The following MAGI2 variants were observed in gnomAD, a reference collection of about 807,000 sequenced individuals.
MAGI2 encodes membrane-associated guanylate kinase, WW and PDZ domain-containing protein 2.
Under a neutral mutation model 133.3 loss-of-function variants are expected in MAGI2, and 35 were observed. That is an observed-to-expected ratio of 0.26 (90% CI 0.20 to 0.35). MAGI2 has a LOEUF of 0.35. Ranked by LOEUF, MAGI2 falls within the 10% of genes least tolerant of loss-of-function variation. The pLI, the probability that MAGI2 is intolerant of heterozygous loss-of-function variation, is 1.00. For missense variants in MAGI2, 1,636 were observed against 1,863.4 expected (o/e 0.88, Z 2.25); for synonymous variants, 729 against 710.6 (o/e 1.03, Z -0.41).
intron 6 of MAGI2, among the ~76,000 whole-genome samples, chr7:78,410,739 G>C (rs2151377223): frequency 6.6e-6 from 1 of 151,682 alleles, no homozygotes. Flanking sequence ...TCACTACCTG[G>C]GGGAAAAAAA....
intron 2 of MAGI2, among the ~76,000 whole-genome samples, chr7:78,684,107 T>A (rs1816005312): frequency 6.6e-6 from 1 of 152,140 alleles, no homozygotes; most frequent in Non-Finnish European, 1.5e-5. Flanking sequence ...ATAGTATGTA[T>A]ATAATAAGGA....
chr7:78,052,438 T>C (rs998224571), intron 21 of MAGI2, among the ~76,000 whole-genome samples: 23 of 152,152 alleles, frequency 1.5e-4, no homozygotes, highest in Non-Finnish European at 3.1e-4. Context: ...CCTGAAGCCC[T>C]CACCAGAGGC....
At chr7:79,341,343 G>C (rs1034375937) in intron 1 of MAGI2, among the ~76,000 whole-genome samples, 1 of 152,060 alleles carries the variant, frequency 6.6e-6, no homozygotes, top group African/African-American at 2.4e-5. Flanking sequence ...TTTAATAAAT[G>C]TCAGTTTCCT....
At chr7:78,768,302 C>T (rs1825231936) in intron 2 of MAGI2, among the ~76,000 whole-genome samples, 2 of 152,164 alleles carry the variant, frequency 1.3e-5, no homozygotes, top group Non-Finnish European at 2.9e-5. Context: ...ATCACCTCAC[C>T]TATTGTTTTG....
At chr7:78,459,477 G>A (rs1055033195) in intron 6 of MAGI2, among the ~76,000 whole-genome samples, 1 of 152,126 alleles carries the variant, frequency 6.6e-6, no homozygotes, top group African/African-American at 2.4e-5. Context: ...AACCTCTTAA[G>A]AGCAAAGGTA....
At chr7:78,698,134 A>T (rs1395276980) in intron 2 of MAGI2, among the ~76,000 whole-genome samples, 1 of 152,216 alleles carries the variant, frequency 6.6e-6, no homozygotes, top group African/African-American at 2.4e-5. Context: ...TTTCCACTAC[A>T]GTGAAGTTAC....
intron 2 of MAGI2, among the ~76,000 whole-genome samples, chr7:78,633,622 C>T (rs544745067): frequency 3.4e-5 from 5 of 147,610 alleles, no homozygotes; most frequent in South Asian, 2.1e-4. Context: ...AGGAGAATGG[C>T]GTGAACCCGG....
intron 6 of MAGI2, among the ~76,000 whole-genome samples, chr7:78,389,756 A>T (rs1343596112): frequency 6.6e-6 from 1 of 152,170 alleles, no homozygotes; most frequent in Non-Finnish European, 1.5e-5. Flanking sequence ...AGAGAAGAAA[A>T]AGTTGACATT....
chr7:79,271,089 G>T (rs191916101), intron 1 of MAGI2, among the ~76,000 whole-genome samples: 46 of 151,990 alleles, frequency 3.0e-4, no homozygotes, highest in African/African-American at 1.0e-3. Context: ...CCCTTAAAAT[G>T]CTATACAGTC....
intron 11 of MAGI2, among the ~76,000 whole-genome samples, chr7:78,197,366 G>T (rs1828834455): frequency 6.6e-6 from 1 of 152,134 alleles, no homozygotes; most frequent in Non-Finnish European, 1.5e-5. Context: ...ATGGTCTGGG[G>T]AGCTGTAGTA....
intron 1 of MAGI2, among the ~76,000 whole-genome samples, chr7:79,258,558 T>C (rs115096450): frequency 0.013 from 1,972 of 152,306 alleles, 39 homozygotes; most frequent in African/African-American, 0.045. Flanking sequence ...GCGTAGGTAG[T>C]TTTCTAAGAG....
intron 1 of MAGI2, among the ~76,000 whole-genome samples, chr7:79,129,266 T>C (rs1820701866): frequency 6.6e-6 from 1 of 152,220 alleles, no homozygotes; most frequent in South Asian, 2.1e-4. Context: ...ATACCTTATG[T>C]AATTTATTGA....
chr7:79,054,822 G>A (rs766428257), intron 1 of MAGI2, among the ~76,000 whole-genome samples: 6 of 152,132 alleles, frequency 3.9e-5, no homozygotes, highest in Non-Finnish European at 5.9e-5. Flanking sequence ...ACGGAGTCCC[G>A]CTCTGTCACC....
At chr7:78,437,874 A>G (rs1787203413) in intron 6 of MAGI2, among the ~76,000 whole-genome samples, 1 of 152,242 alleles carries the variant, frequency 6.6e-6, no homozygotes, top group East Asian at 1.9e-4. Context: ...GAATATAAAT[A>G]TAAGCTTCAT....
At chr7:78,847,927 T>G (rs1792767174) in intron 2 of MAGI2, among the ~76,000 whole-genome samples, 1 of 152,004 alleles carries the variant, frequency 6.6e-6, no homozygotes, top group African/African-American at 2.4e-5. Context: ...AAGTATTTAA[T>G]AAGTATTAAC....
chr7:78,486,903 G>C, intron 6 of MAGI2: 1 of 516,072 alleles, frequency 1.9e-6, no homozygotes, highest in South Asian at 1.4e-5. Context: ...ATCTTTGTGG[G>C]CCAGGAACGT....
chr7:78,132,256 T>C (rs1258542599), intron 18 of MAGI2, among the ~76,000 whole-genome samples: 2 of 152,214 alleles, frequency 1.3e-5, no homozygotes, highest in African/African-American at 4.8e-5. Flanking sequence ...ATGACTTTTG[T>C]GGTTCAATGG....
chr7:78,930,916 G>C (rs35141026), intron 2 of MAGI2, among the ~76,000 whole-genome samples: 2,491 of 152,176 alleles, frequency 0.016, 27 homozygotes, highest in Middle Eastern at 0.041. Context: ...AGTAATTTTG[G>C]ATGGGCACTG....
At chr7:79,109,249 C>G (rs1818708585) in intron 1 of MAGI2, among the ~76,000 whole-genome samples, 1 of 152,098 alleles carries the variant, frequency 6.6e-6, no homozygotes, top group Non-Finnish European at 1.5e-5. Flanking sequence ...ATGAGGGAAG[C>G]CTTGAAACTT....
Sources: allele counts gnomAD v4.1 joint callset (sites outside exome capture counted in the v4.1 genomes callset), GRCh38; gene constraint gnomAD v4.1.1; transcripts MANE v1.5; gene names NCBI Gene and HGNC (gene_info 2026-07-23, HGNC 2026-07-21).